Variants in ACBD6 observed in about 807,000 individuals in gnomAD.
ACBD6 encodes acyl-CoA-binding domain-containing protein 6.
A neutral mutation model predicts 37.2 loss-of-function variants in ACBD6; 28 were observed. The ratio of observed to expected loss-of-function variants is 0.75; its 90% confidence interval spans 0.56 to 1.03. ACBD6 has a LOEUF of 1.03. Among genes scored for constraint, ACBD6 ranks in the 50% least tolerant of loss-of-function variants. The probability of loss-of-function intolerance (pLI) is 0.00; values close to 1 mark genes in which losing one functional copy is unlikely to be tolerated. For missense variants in ACBD6, 340 were observed against 337.4 expected (o/e 1.01, Z -0.06); for synonymous variants, 113 against 126.8 (o/e 0.89, Z 0.73).
chr1:180,403,334 T>C (rs1277564313), intron 5 of ACBD6, among the ~76,000 whole-genome samples: 2 of 152,220 alleles, frequency 1.3e-5, no homozygotes, highest in African/African-American at 4.8e-5. Context: ...CATTTCATTG[T>C]ATATAAATAT....
intron 3 of ACBD6, among the ~76,000 whole-genome samples, chr1:180,468,544 T>C (rs1255485090): frequency 6.6e-6 from 1 of 152,232 alleles, no homozygotes; most frequent in Non-Finnish European, 1.5e-5. Context: ...AAGTAGTATA[T>C]ACTGTTTTAT....
intron 3 of ACBD6, among the ~76,000 whole-genome samples, chr1:180,466,534 T>C (rs1208116988): frequency 6.6e-6 from 1 of 152,224 alleles, no homozygotes; most frequent in Non-Finnish European, 1.5e-5. Flanking sequence ...TTCCCAACAC[T>C]TGCTTGTTTC....
chr1:180,435,809 T>A (rs185644319), intron 3 of ACBD6: 38 of 969,772 alleles, frequency 3.9e-5, no homozygotes, highest in Admixed American at 6.8e-5. Context: ...AGTGAATAAC[T>A]CCAGCCTGAT....
chr1:180,285,317 A>C (rs973720256), downstream of ACBD6, among the ~76,000 whole-genome samples: 4 of 152,166 alleles, frequency 2.6e-5, no homozygotes, highest in African/African-American at 9.7e-5. Context: ...TGAGAACTGC[A>C]CTCTAGCCTG....
chr1:180,297,851 C>T (rs767968582), intron 7 of ACBD6, among the ~76,000 whole-genome samples: 3 of 152,190 alleles, frequency 2.0e-5, no homozygotes, highest in Non-Finnish European at 2.9e-5. Context: ...AGCGATTCTC[C>T]TGCCTCAGCC....
At chr1:180,442,067 C>A (rs1649303057) in intron 3 of ACBD6, among the ~76,000 whole-genome samples, 2 of 152,160 alleles carry the variant, frequency 1.3e-5, no homozygotes, top group South Asian at 4.1e-4. Flanking sequence ...GGTTGGTCGT[C>A]TTTTCCTTTT....
chr1:180,401,004 C>G (rs1287141300), intron 5 of ACBD6, among the ~76,000 whole-genome samples: 1 of 151,964 alleles, frequency 6.6e-6, no homozygotes, highest in Non-Finnish European at 1.5e-5. Context: ...GTGATATAAT[C>G]TCTTATAAAT....
chr1:180,343,014 A>T (rs1226150715), intron 6 of ACBD6, among the ~76,000 whole-genome samples: 2 of 152,188 alleles, frequency 1.3e-5, no homozygotes, highest in East Asian at 3.9e-4. Flanking sequence ...GAAATGTTCA[A>T]ATTTAATCAA....
rs1210924071 is a variant in ACBD6 at position 180,344,753 on chromosome 1, T to C, written c.664-30031A>G. On this transcript the variant is annotated intron_variant, in intron 6 of 7. Transcript: ENST00000367595. ...GAGACATTATATAACTTGCCTAAGGTCCCAGGCCCTTCTAACAACACAATC... is the reference window on the plus strand; with the variant it reads ...GAGACATTATATAACTTGCCTAAGGCCCCAGGCCCTTCTAACAACACAATC... 2.6e-5 allele frequency among the ~76,000 whole-genome samples: 4 copies of C among 152,178 alleles called. No individual in the cohort carries two copies. In the East Asian group the frequency reaches 7.7e-4, roughly 29 times the overall value.
intron 6 of ACBD6, among the ~76,000 whole-genome samples, chr1:180,357,478 G>A (rs530781103): frequency 1.3e-5 from 2 of 152,288 alleles, no homozygotes; most frequent in South Asian, 4.1e-4. Context: ...ATTCTGGCTA[G>A]CCAAGATCCC....
chr1:180,292,954 T>A (rs1320299530), intron 7 of ACBD6, among the ~76,000 whole-genome samples: 1 of 152,218 alleles, frequency 6.6e-6, no homozygotes, highest in Non-Finnish European at 1.5e-5. Flanking sequence ...GAAGTTGAAT[T>A]TTGTCAGCCT....
intron 7 of ACBD6, 131 bp from the exon 8 acceptor site, chr1:180,288,648 G>T: frequency 8.9e-7 from 1 of 1,119,524 alleles, no homozygotes; most frequent in Non-Finnish European, 1.3e-6. Flanking sequence ...GTGACTGAAG[G>T]ATGGTCAGGC....
intron 6 of ACBD6, among the ~76,000 whole-genome samples, chr1:180,328,883 T>C (rs1571366132): frequency 6.6e-6 from 1 of 152,302 alleles, no homozygotes; most frequent in Middle Eastern, 3.4e-3. Context: ...CTGCAGGTTC[T>C]AGGTATTTTC....
intron 6 of ACBD6, 92 bp from the exon 7 acceptor site, chr1:180,314,814 A>T: frequency 1.1e-6 from 1 of 949,136 alleles, no homozygotes; most frequent in South Asian, 1.3e-5. Flanking sequence ...CTGATATACC[A>T]AAGTTCCATA....
At chr1:180,367,911 ATGGGATTGCTGGGTTGAATG>A (rs1571416003) in intron 6 of ACBD6, among the ~76,000 whole-genome samples, 1 of 152,126 alleles carries the variant, frequency 6.6e-6, no homozygotes, top group East Asian at 1.9e-4. Context: ...ATACCCAGTA[ATGGGATTGCTGGGTTGAATG>A]GTAGTTCTGC....
At chr1:180,298,190 T>C (rs1378029152) in intron 7 of ACBD6, among the ~76,000 whole-genome samples, 2 of 152,202 alleles carry the variant, frequency 1.3e-5, no homozygotes, top group Admixed American at 1.3e-4. Context: ...ATCAAGTAGC[T>C]GTGAAAAAAA....
chr1:180,362,041 G>T (rs1044469308), intron 6 of ACBD6, among the ~76,000 whole-genome samples: 7 of 151,754 alleles, frequency 4.6e-5, no homozygotes, highest in Non-Finnish European at 8.8e-5. Flanking sequence ...AATGAAGGTG[G>T]TTCCTCTCCT....
At chr1:180,351,557 G>A (rs1169170490) in intron 6 of ACBD6, among the ~76,000 whole-genome samples, 1 of 149,606 alleles carries the variant, frequency 6.7e-6, no homozygotes, top group Non-Finnish European at 1.5e-5. Context: ...ACAGGTGTGA[G>A]TCACTGTGCC....
chr1:180,339,219 G>A (rs1165978274), intron 6 of ACBD6, among the ~76,000 whole-genome samples: 1 of 152,196 alleles, frequency 6.6e-6, no homozygotes, highest in Non-Finnish European at 1.5e-5. Context: ...CTGCTATAAA[G>A]ACACATGCAC....
Sources: allele counts gnomAD v4.1 joint callset (sites outside exome capture counted in the v4.1 genomes callset), GRCh38; gene constraint gnomAD v4.1.1; transcripts MANE v1.5; gene names NCBI Gene and HGNC (gene_info 2026-07-23, HGNC 2026-07-21).